Variants in RGPD4 observed in about 807,000 individuals in gnomAD.
The protein encoded by RGPD4 is RANBP2 like and GRIP domain containing 4, also known as ranBP2-like and GRIP domain-containing protein 4.
Under a neutral mutation model 141.1 loss-of-function variants are expected in RGPD4, and 84 were observed. The ratio of observed to expected loss-of-function variants is 0.60; its 90% CI spans 0.50 to 0.71. The LOEUF (loss-of-function observed/expected upper bound fraction) is 0.71, where lower values mean the gene tolerates loss of function less well. Ranked by LOEUF, RGPD4 falls within the 30% of genes least tolerant of loss-of-function variation. RGPD4 has a pLI of 0.00. For missense variants in RGPD4, 918 were observed against 1,622.4 expected (o/e 0.57, Z 7.46); for synonymous variants, 298 against 566.8 (o/e 0.53, Z 6.74).
chr2:107,873,540 C>A (rs1449911983), intron 20 of RGPD4, among the ~76,000 whole-genome samples: 2 of 140,172 alleles, frequency 1.4e-5, no homozygotes, highest in African/African-American at 5.4e-5. Flanking sequence ...TGCCACTGCA[C>A]TCCAGCCTGA....
chr2:107,888,701 ACTCT>A (rs1207722996), intron 22 of RGPD4, among the ~76,000 whole-genome samples: 130 of 91,404 alleles, frequency 1.4e-3, no homozygotes, highest in Non-Finnish European at 2.2e-3. Flanking sequence ...TTGCTAGTGG[ACTCT>A]CTCTGTCTTC....
chr2:107,883,896 A>G (rs1415201052), intron 22 of RGPD4, among the ~76,000 whole-genome samples: 3 of 152,162 alleles, frequency 2.0e-5, no homozygotes, highest in African/African-American at 4.8e-5. Flanking sequence ...CAACTCATGG[A>G]CAATCTTTTG....
At chr2:107,883,625 CA>C (rs1191898384) in intron 22 of RGPD4, among the ~76,000 whole-genome samples, 21 of 38,860 alleles carry the variant, frequency 5.4e-4, no homozygotes, top group East Asian at 3.6e-3. Flanking sequence ...GACTCCATCT[CA>C]AAAAAAAAAA....
At position 107,872,040 on chromosome 2, in the gene RGPD4, G is replaced by A. The variant is rs1170187577; in HGVS notation, c.4036G>A (p.Glu1346Lys). 6.2e-7 allele frequency: 1 copy of A among 1,611,362 alleles called. No homozygotes were observed. The highest frequency in any genetic ancestry group is 1.3e-5 in the African/African-American group (1 of 74,434). ...TGTTGTTCCTTTACCTGATCTAGTT[G>A]AAGTATCCAGTGGTGAGGAAAATGA... is the stretch of plus-strand genomic sequence containing the variant. ...EPVVPLPDLV[E>K]VSSGEENEKV... Residue 1346 changes from glutamate (E) to lysine (K), a missense_variant, in exon 20 of 23, where the codon GAA becomes AAA. Transcript: ENST00000408999.
At chr2:107,869,328 T>A (rs1444490438) in intron 18 of RGPD4, among the ~76,000 whole-genome samples, 1 of 71,186 alleles carries the variant, frequency 1.4e-5, no homozygotes, top group Non-Finnish European at 3.1e-5. Flanking sequence ...AGTTTGTACA[T>A]CTGTATGAGT....
At chr2:107,883,151 C>T (rs1418303355) in intron 22 of RGPD4, 1 of 648,102 alleles carries the variant, frequency 1.5e-6, no homozygotes, top group Admixed American at 2.1e-5. Flanking sequence ...GTGTTGCGTT[C>T]TGGTGTTCAG....
At chr2:107,874,621 G>T (rs186063263) in intron 20 of RGPD4, among the ~76,000 whole-genome samples, 1 of 151,084 alleles carries the variant, frequency 6.6e-6, no homozygotes, top group African/African-American at 2.5e-5. Context: ...GTATACTTGC[G>T]TACAGTTTCT....
At chr2:107,874,778 T>C (rs1428871298) in intron 20 of RGPD4, among the ~76,000 whole-genome samples, 1 of 150,982 alleles carries the variant, frequency 6.6e-6, no homozygotes, top group Admixed American at 6.6e-5. Flanking sequence ...GAGTAAACTG[T>C]GGCCAAGAGA....
chr2:107,888,369 C>T (rs1675565680), intron 22 of RGPD4, among the ~76,000 whole-genome samples: 1 of 151,116 alleles, frequency 6.6e-6, no homozygotes. Context: ...GGTGAACATA[C>T]AACAGTGCAT....
intron 22 of RGPD4, among the ~76,000 whole-genome samples, chr2:107,886,618 A>G (rs972432856): frequency 6.6e-6 from 1 of 151,870 alleles, no homozygotes; most frequent in African/African-American, 2.4e-5. Flanking sequence ...TGCAAAGGAA[A>G]CTTACCACCA....
chr2:107,880,326 C>T (rs554255627), intron 21 of RGPD4, among the ~76,000 whole-genome samples: 36 of 121,938 alleles, frequency 3.0e-4, no homozygotes, highest in East Asian at 9.6e-4. Context: ...TGCAGTGGCA[C>T]GATCCCGGCT....
intron 1 of RGPD4, among the ~76,000 whole-genome samples, chr2:107,830,885 CTT>C (rs1681460182): frequency 6.6e-6 from 1 of 152,090 alleles, no homozygotes; most frequent in African/African-American, 2.4e-5. Context: ...TTAGTCTTCT[CTT>C]GTTTTGCCAT....
chr2:107,882,654 T>G lies in RGPD4; in HGVS notation c.5065-18T>G, dbSNP rs765748209. 39 of 1,608,758 alleles carry G rather than the reference T, an allele frequency of 2.4e-5. No individual in the cohort carries two copies. The East Asian group carries it at 8.3e-4, about 34-fold the overall frequency. On this transcript the variant is annotated intron_variant, in intron 21 of 22. Coordinates refer to ENST00000408999, the MANE Select transcript of RGPD4 (RefSeq NM_182588.3). ...GAAGCTCCTAAAGCCCATTTTTAACTCATTTCTCTAACACCAGCTTCTCAA... is the reference window on the plus strand; with the variant it reads ...GAAGCTCCTAAAGCCCATTTTTAACGCATTTCTCTAACACCAGCTTCTCAA...
chr2:107,856,098 G>A (rs1164535438), intron 8 of RGPD4, among the ~76,000 whole-genome samples: 94 of 134,234 alleles, frequency 7.0e-4, no homozygotes, highest in African/African-American at 2.4e-3. Flanking sequence ...CTGTCGCCCG[G>A]GCTGGAGTGC....
At position 107,891,797 on chromosome 2, in the gene RGPD4, G is replaced by A. The variant is rs1675664619; in HGVS notation, c.*1066G>A. Among the ~76,000 whole-genome samples the A allele has an allele frequency of 7.6e-6, 1 of 131,974 alleles. No homozygotes were observed. The allele number at this position is 131,974 out of a possible 152,430, so 86.6% of individuals were successfully genotyped here. On this transcript the variant is annotated 3_prime_UTR_variant, in exon 23 of 23. Transcript: ENST00000408999. The stretch of plus-strand genomic sequence containing the variant: ...TAAATATAAAAGTGGTGCTTTCAGT[G>A]TTTTTGGCAGATAGTGTTCCATAAG...
At chr2:107,830,556 A>G (rs1360867733) in intron 1 of RGPD4, among the ~76,000 whole-genome samples, 4 of 152,064 alleles carry the variant, frequency 2.6e-5, no homozygotes, top group Non-Finnish European at 5.9e-5. Context: ...TTTTCCCCCA[A>G]ATTGAAAGTC....
Position 107,827,096 on chromosome 2 carries a change from C to T in RGPD4, c.72+11C>T, listed in dbSNP as rs767553541. ...CCGTCGCCTCGAAAGGTGAGTGGAT[C>T]TCGAAGAGACCGACGGCCTCGACCT... On this transcript the variant is annotated intron_variant, in intron 1 of 22. Coordinates refer to ENST00000408999, the MANE Select transcript of RGPD4 (RefSeq NM_182588.3). The T allele has an allele frequency of 5.0e-6, 8 of 1,586,576 alleles. No individual in the cohort carries two copies. Among genetic ancestry groups the T allele is most frequent in the Non-Finnish European group, 1.7e-6 (2 of 1,168,080 alleles).
chr2:107,844,830 G>GTTTTTTTTTTTTTTTTTTTTTTTTTTTT (rs1222283120), intron 6 of RGPD4, among the ~76,000 whole-genome samples: 1 of 26,174 alleles, frequency 3.8e-5, no homozygotes, highest in Non-Finnish European at 7.1e-5. Context: ...TTTCTTTTTT[G>GTTTTTTTTTTTTTTTTTTTTTTTTTTTT]TTTTTTTTTT....
In RGPD4 at chr2:107,831,163, C is replaced by T. The variant is rs866332234; in HGVS notation, c.72+4078C>T. On this transcript the variant is annotated intron_variant, in intron 1 of 22. Transcript: ENST00000408999. ...CTGCACTCCAGCCTGTGTGACAGAGCGAGACTCTGTCTCCAAAAAAGAAAA... is the reference window on the plus strand; with the variant it reads ...CTGCACTCCAGCCTGTGTGACAGAGTGAGACTCTGTCTCCAAAAAAGAAAA... Among the ~76,000 whole-genome samples, 406 of 108,214 alleles carry T rather than the reference C, an allele frequency of 3.8e-3. 6 individuals carry two copies. Among genetic ancestry groups the T allele is most frequent in the African/African-American group, 0.013 (393 of 30,328 alleles). 71.0% of individuals were successfully genotyped at this position (108,214 alleles called of 152,430 possible).
Sources: allele counts gnomAD v4.1 joint callset (sites outside exome capture counted in the v4.1 genomes callset), GRCh38; gene constraint gnomAD v4.1.1; transcripts MANE v1.5; gene names NCBI Gene and HGNC (gene_info 2026-07-23, HGNC 2026-07-21).